The following SLC2A13 variants were observed in gnomAD, a reference collection of about 807,000 sequenced individuals.
SLC2A13 encodes the protein solute carrier family 2 member 13.
SLC2A13 carries 32 observed loss-of-function variants against 64.4 expected under a neutral mutation model. That is an observed-to-expected ratio of 0.50 (90% confidence interval 0.37 to 0.67). The LOEUF is 0.67. Among genes scored for constraint, SLC2A13 ranks in the 30% least tolerant of loss-of-function variants. The pLI is 0.00. For missense variants in SLC2A13, 743 were observed against 829.2 expected (o/e 0.90, Z 1.28); for synonymous variants, 338 against 327.1 (o/e 1.03, Z -0.36).
At chr12:40,022,988 G>C (rs1363120525) in intron 3 of SLC2A13, among the ~76,000 whole-genome samples, 1 of 151,998 alleles carries the variant, frequency 6.6e-6, no homozygotes, top group African/African-American at 2.4e-5. Context: ...TTTATAAAAG[G>C]CTGCTCTTTA....
chr12:39,919,678 C>CA (rs1945581771), intron 4 of SLC2A13, among the ~76,000 whole-genome samples: 1 of 152,030 alleles, frequency 6.6e-6, no homozygotes, highest in Non-Finnish European at 1.5e-5. Flanking sequence ...AAACACCCCC[C>CA]AAACCCACCC....
chr12:39,885,270 A>G (rs1389627678), intron 4 of SLC2A13, among the ~76,000 whole-genome samples: 2 of 152,112 alleles, frequency 1.3e-5, no homozygotes, highest in Non-Finnish European at 2.9e-5. Flanking sequence ...GAAATTCCCT[A>G]CTCTCTCAAA....
chr12:39,821,110 G>A (rs1380606266), intron 7 of SLC2A13, among the ~76,000 whole-genome samples: 1 of 151,916 alleles, frequency 6.6e-6, no homozygotes, highest in Non-Finnish European at 1.5e-5. Context: ...TTTCTTTAGA[G>A]TTCCTTTTAT....
intron 3 of SLC2A13, among the ~76,000 whole-genome samples, chr12:40,000,948 A>T (rs1383226148): frequency 6.6e-6 from 1 of 152,224 alleles, no homozygotes; most frequent in African/African-American, 2.4e-5. Flanking sequence ...CCGGCCAATG[A>T]GTGCCACACA....
At chr12:39,804,591 G>A (rs1941907388) in intron 7 of SLC2A13, among the ~76,000 whole-genome samples, 1 of 152,020 alleles carries the variant, frequency 6.6e-6, no homozygotes, top group Admixed American at 6.6e-5. Flanking sequence ...AAAGGAAAGG[G>A]GACACAGATT....
intron 5 of SLC2A13, among the ~76,000 whole-genome samples, chr12:39,869,700 C>T (rs1210920714): frequency 6.6e-6 from 1 of 151,658 alleles, no homozygotes; most frequent in Non-Finnish European, 1.5e-5. Context: ...TCTGGAAATC[C>T]TTGGGCAGAA....
At chr12:39,897,095 T>C (rs935092855) in intron 4 of SLC2A13, among the ~76,000 whole-genome samples, 5 of 152,200 alleles carry the variant, frequency 3.3e-5, no homozygotes, top group Non-Finnish European at 5.9e-5. Context: ...TTCTAGTTGA[T>C]AGTTCTTTCT....
chr12:40,004,023 C>A, intron 3 of SLC2A13, among the ~76,000 whole-genome samples: 1 of 150,542 alleles, frequency 6.6e-6, no homozygotes. Flanking sequence ...AAATTCCTCC[C>A]AAAAAACACA....
intron 4 of SLC2A13, among the ~76,000 whole-genome samples, chr12:39,918,893 A>G (rs1220312379): frequency 6.6e-6 from 1 of 151,170 alleles, no homozygotes; most frequent in Non-Finnish European, 1.5e-5. Context: ...TGTTATAACC[A>G]GACTTGAAGT....
intron 1 of SLC2A13, among the ~76,000 whole-genome samples, chr12:40,095,129 C>T (rs1938896309): frequency 6.6e-6 from 1 of 152,176 alleles, no homozygotes; most frequent in South Asian, 2.1e-4. Context: ...AGTTAAAAAT[C>T]TGGGGGAAAA....
At chr12:39,895,557 C>CAA (rs1944745812) in intron 4 of SLC2A13, among the ~76,000 whole-genome samples, 1 of 130,926 alleles carries the variant, frequency 7.6e-6, no homozygotes, top group Non-Finnish European at 1.6e-5. Flanking sequence ...TATATACACA[C>CAA]ACACACACAC....
chr12:40,105,241 G>A lies in SLC2A13; in HGVS notation c.556+12C>T. On this transcript the variant is annotated intron_variant, in intron 1 of 9. Transcript: ENST00000280871. The surrounding 1 kb of genome is among the most constrained non-coding windows in gnomAD (Gnocchi z 4.2). ...TGGGATCCCGGGCGCCCTTCACGGA[G>A]CCCGAACTCACCGATGCCGAGTCCC... is the stretch of plus-strand genomic sequence containing the variant. 1 of 1,572,762 alleles carries A rather than the reference G, an allele frequency of 6.4e-7. No individual in the cohort carries two copies. Among genetic ancestry groups the A allele is most frequent in the East Asian group, 2.3e-5 (1 of 43,118 alleles).
In SLC2A13 at chr12:40,008,613, CA is replaced by C. The variant is rs764049845; in HGVS notation, c.925+19687del. ...GCGACAGAGCGAGACTGCGTCACTC[CA>C]AAAAAAAAAAAAAAGAATATGGAGA... On this transcript the variant is annotated intron_variant, in intron 3 of 9. Transcript: ENST00000280871. Among the ~76,000 whole-genome samples the C allele has an allele frequency of 9.5e-3, 1,036 of 109,580 alleles. 11 individuals are homozygous for C. Among genetic ancestry groups the C allele is most frequent in the African/African-American group, 0.025 (747 of 29,498 alleles). The allele number at this position is 109,580 out of a possible 152,430, so 71.9% of individuals were successfully genotyped here.
At chr12:40,012,511 G>A (rs1259215276) in intron 3 of SLC2A13, among the ~76,000 whole-genome samples, 1 of 152,198 alleles carries the variant, frequency 6.6e-6, no homozygotes, top group Non-Finnish European at 1.5e-5. Context: ...CAGAAGGTCA[G>A]AATGTGTGTT....
At chr12:40,054,088 T>G (rs943783933) in intron 1 of SLC2A13, among the ~76,000 whole-genome samples, 10 of 152,210 alleles carry the variant, frequency 6.6e-5, no homozygotes, top group Non-Finnish European at 1.3e-4. Flanking sequence ...CCTTGATTTA[T>G]ATAAGCCACA....
chr12:39,867,317 T>TTA (rs1231066213), intron 5 of SLC2A13, among the ~76,000 whole-genome samples: 1 of 152,120 alleles, frequency 6.6e-6, no homozygotes, highest in Non-Finnish European at 1.5e-5. Context: ...TCCATGAAAA[T>TTA]GATAAACTCT....
intron 4 of SLC2A13, among the ~76,000 whole-genome samples, chr12:39,921,007 G>C (rs572667083): frequency 6.6e-6 from 1 of 152,084 alleles, no homozygotes; most frequent in Non-Finnish European, 1.5e-5. Context: ...CAGACAAAGA[G>C]TAGTTCAAAT....
chr12:39,946,944 C>A (rs754560052), intron 4 of SLC2A13, among the ~76,000 whole-genome samples: 7 of 152,180 alleles, frequency 4.6e-5, no homozygotes, highest in Non-Finnish European at 1.0e-4. Context: ...ACTTTTACCC[C>A]CTGCTCCTCT....
chr12:40,074,159 CAA>C (rs1436574661), intron 1 of SLC2A13, among the ~76,000 whole-genome samples: 1 of 120,844 alleles, frequency 8.3e-6, no homozygotes, highest in Non-Finnish European at 1.6e-5. Context: ...TAAAGCCCAT[CAA>C]AGACATTTTT....
Sources: allele counts gnomAD v4.1 joint callset (sites outside exome capture counted in the v4.1 genomes callset), GRCh38; gene constraint gnomAD v4.1.1; non-coding constraint Gnocchi (gnomAD v3.1); transcripts MANE v1.5; gene names NCBI Gene and HGNC (gene_info 2026-07-23, HGNC 2026-07-21).